The following SMARCC1 variants were observed in gnomAD, a reference collection of about 807,000 sequenced individuals.
SMARCC1 encodes the protein SWI/SNF related BAF chromatin remodeling complex subunit C1, also known as SWI/SNF complex subunit SMARCC1.
SMARCC1 carries 43 observed loss-of-function variants against 147.4 expected under a neutral mutation model. The observed-to-expected ratio is 0.29, with a 90% CI of 0.23 to 0.38. The LOEUF (loss-of-function observed/expected upper bound fraction) is 0.38, where lower values mean the gene tolerates loss of function less well. Among genes scored for constraint, SMARCC1 ranks in the 10% least tolerant of loss-of-function variants. The pLI, the probability that SMARCC1 is intolerant of heterozygous loss-of-function variation, is 1.00. For missense variants in SMARCC1, 1,119 were observed against 1,381.1 expected (o/e 0.81, Z 3.01); for synonymous variants, 495 against 484.4 (o/e 1.02, Z -0.29).
intron 21 of SMARCC1, among the ~76,000 whole-genome samples, chr3:47,657,144 G>A (rs2033273310): frequency 6.6e-6 from 1 of 151,768 alleles, no homozygotes; most frequent in African/African-American, 2.4e-5. Context: ...ACTGAAGGAA[G>A]AAATAATTCA....
rs550424102 is a variant in SMARCC1 at position 47,729,549 on chromosome 3, C to G, written c.577-455G>C. Among the ~76,000 whole-genome samples the G allele has an allele frequency of 8.5e-5, 13 of 152,238 alleles. No homozygotes were observed. The South Asian group carries it at 2.7e-3, about 32-fold the overall frequency. ...TACAGGCACCCGCCAGCACGCCTGG[C>G]TAATTTTTCTATTTTTAGTAGAGAT... On this transcript the variant is annotated intron_variant, in intron 5 of 27. Transcript: ENST00000254480.
At chr3:47,646,639 T>C (rs1393393807) in intron 21 of SMARCC1, among the ~76,000 whole-genome samples, 1 of 152,242 alleles carries the variant, frequency 6.6e-6, no homozygotes, top group Non-Finnish European at 1.5e-5. Flanking sequence ...TTAATATAAG[T>C]GTGTAATAAT....
At chr3:47,622,440 C>A in intron 24 of SMARCC1, 99 bp from the exon 25 acceptor site, 3 of 1,122,740 alleles carry the variant, frequency 2.7e-6, no homozygotes, top group Admixed American at 1.9e-5. Context: ...ATATAATTTA[C>A]AATGGTACCC....
At chr3:47,772,498 A>G (rs2106876202) in intron 2 of SMARCC1, among the ~76,000 whole-genome samples, 1 of 152,308 alleles carries the variant, frequency 6.6e-6, no homozygotes, top group East Asian at 1.9e-4. Flanking sequence ...CATAAATTCT[A>G]TTTATGGCAT....
At chr3:47,742,673 C>G (rs2034522646) in intron 3 of SMARCC1, among the ~76,000 whole-genome samples, 1 of 152,164 alleles carries the variant, frequency 6.6e-6, no homozygotes, top group African/African-American at 2.4e-5. Flanking sequence ...GCCTCTACAT[C>G]CTGAACTCAA....
At chr3:47,652,307 G>GT (rs2033200364) in intron 21 of SMARCC1, among the ~76,000 whole-genome samples, 1 of 151,844 alleles carries the variant, frequency 6.6e-6, no homozygotes, top group Non-Finnish European at 1.5e-5. Context: ...GCATATAGAG[G>GT]AAGTCAACCA....
At position 47,734,198 on chromosome 3, in the gene SMARCC1, T is replaced by C. The variant is rs995024288; in HGVS notation, c.576+1836A>G. 5.3e-5 allele frequency among the ~76,000 whole-genome samples: 8 copies of C among 152,112 alleles called. 1 individual carries two copies. The highest frequency in any genetic ancestry group is 1.9e-4 in the African/African-American group (8 of 41,422). On this transcript the variant is annotated intron_variant, in intron 5 of 27. Transcript: ENST00000254480. ...ACTTCTGCCCTGGTAACATTCCACA[T>C]ATACTTTAAACTGCATTTGACAGTC... is the stretch of plus-strand genomic sequence containing the variant.
At chr3:47,778,476 T>C (rs965572119) in intron 1 of SMARCC1, among the ~76,000 whole-genome samples, 1 of 151,880 alleles carries the variant, frequency 6.6e-6, no homozygotes, top group East Asian at 1.9e-4. Context: ...CCACAACTGA[T>C]GTATTTTTTT....
Position 47,600,997 on chromosome 3 carries a change from A to AAGAGAGAGAG in SMARCC1, c.3043+9068_3043+9069insCTCTCTCTCT, listed in dbSNP as rs1559622849. On this transcript the variant is annotated intron_variant, in intron 26 of 27. Transcript: ENST00000254480. ...CCCAGCAGACAGGGAGAGGAAGAAA[A>AAGAGAGAGAG]TGAGAGAGAGAGAGAGAGAGAGAGA... Among the ~76,000 whole-genome samples the AAGAGAGAGAG allele has an allele frequency of 1.2e-3, 34 of 28,922 alleles. 1 individual carries two copies. Among genetic ancestry groups the AAGAGAGAGAG allele is most frequent in the Non-Finnish European group, 1.2e-3 (17 of 14,530 alleles). 19.0% of individuals were successfully genotyped at this position (28,922 alleles called of 152,430 possible).
rs1347351614 is a variant in SMARCC1 at position 47,720,849 on chromosome 3, C to T, written c.647-114G>A. The T allele has an allele frequency of 1.2e-5, 10 of 829,388 alleles. No individual in the cohort carries two copies. The East Asian group carries it at 1.7e-4, about 14-fold the overall frequency. 51.4% of individuals were successfully genotyped at this position (829,388 alleles called of 1,614,324 possible). A position where few individuals can be genotyped will look rare whatever the true frequency, so the allele number is the denominator to read the frequency against. ...TAGTTTGCTAACGAACAACATTTTT[C>T]GAACATGCTGTTGCTGGTTTGGAAA... is the stretch of plus-strand genomic sequence containing the variant. On this transcript the variant is annotated intron_variant, in intron 6 of 27. Transcript: ENST00000254480.
intron 7 of SMARCC1, among the ~76,000 whole-genome samples, chr3:47,715,910 T>C (rs75392429): frequency 5.3e-5 from 8 of 152,082 alleles, no homozygotes; most frequent in Non-Finnish European, 1.0e-4. Context: ...TCACATCTCT[T>C]TGCTCAAGGA....
intron 3 of SMARCC1, among the ~76,000 whole-genome samples, chr3:47,744,914 C>T (rs1441630438): frequency 2.0e-5 from 3 of 152,200 alleles, no homozygotes; most frequent in African/African-American, 7.2e-5. Flanking sequence ...TTTCTTTTAT[C>T]CCTGTCCTGA....
At chr3:47,605,254 T>C (rs1422733498) in intron 26 of SMARCC1, among the ~76,000 whole-genome samples, 1 of 152,222 alleles carries the variant, frequency 6.6e-6, no homozygotes, top group African/African-American at 2.4e-5. Context: ...TAGGGATATA[T>C]ACAACAGAAA....
intron 21 of SMARCC1, among the ~76,000 whole-genome samples, chr3:47,652,627 A>AG (rs1436863114): frequency 4.0e-5 from 6 of 151,276 alleles, no homozygotes. Context: ...CTTTTGCAAA[A>AG]AAAAAAAAAA....
intron 21 of SMARCC1, 128 bp from the exon 22 acceptor site, chr3:47,638,908 G>C (rs1187630723): frequency 1.4e-6 from 1 of 693,152 alleles, no homozygotes; most frequent in East Asian, 2.6e-5. Context: ...TAGCCATACA[G>C]TTGAAAAAAG....
chr3:47,773,420 A>G (rs1201062958), intron 1 of SMARCC1, among the ~76,000 whole-genome samples: 1 of 151,902 alleles, frequency 6.6e-6, no homozygotes, highest in Non-Finnish European at 1.5e-5. Flanking sequence ...TTTACCAAAA[A>G]AAAAAAAAAA....
At chr3:47,596,897 A>T (rs1319261832) in intron 26 of SMARCC1, among the ~76,000 whole-genome samples, 1 of 151,750 alleles carries the variant, frequency 6.6e-6, no homozygotes, top group Non-Finnish European at 1.5e-5. Flanking sequence ...TTATTTTTTT[A>T]AAAGAGATGA....
intron 6 of SMARCC1, among the ~76,000 whole-genome samples, chr3:47,728,268 A>C (rs2034324850): frequency 6.6e-6 from 1 of 150,498 alleles, no homozygotes. Context: ...TGGTATTTTT[A>C]GTAGAGATGG....
At chr3:47,688,931 C>G (rs1248629344) in intron 13 of SMARCC1, among the ~76,000 whole-genome samples, 1 of 151,994 alleles carries the variant, frequency 6.6e-6, no homozygotes, top group Non-Finnish European at 1.5e-5. Flanking sequence ...AGTATTTTGC[C>G]GAGCGCAGTG....
Sources: allele counts gnomAD v4.1 joint callset (sites outside exome capture counted in the v4.1 genomes callset), GRCh38; gene constraint gnomAD v4.1.1; transcripts MANE v1.5; gene names NCBI Gene and HGNC (gene_info 2026-07-23, HGNC 2026-07-21).